Variants in EPC1 observed in about 807,000 individuals in gnomAD.
EPC1 encodes the protein enhancer of polycomb homolog 1.
Under a neutral mutation model 98.4 loss-of-function variants are expected in EPC1, and 12 were observed. That is an observed-to-expected ratio of 0.12 (90% CI 0.08 to 0.20). The LOEUF is 0.20. Among genes scored for constraint, EPC1 ranks in the 10% least tolerant of loss-of-function variants. The pLI is 1.00. For synonymous variants in EPC1, 357 were observed against 363.9 expected, an observed-to-expected ratio of 0.98 and a Z score of 0.21; for missense variants, 729 against 990.5, an observed-to-expected ratio of 0.74 and a Z score of 3.54.
intron 1 of EPC1, among the ~76,000 whole-genome samples, chr10:32,372,462 C>T (rs2133125311): frequency 6.6e-6 from 1 of 152,308 alleles, no homozygotes; most frequent in African/African-American, 2.4e-5. Flanking sequence ...GAATTTACCC[C>T]CTTCAATAAG....
chr10:32,320,648 G>A (rs1836854253), intron 1 of EPC1, among the ~76,000 whole-genome samples: 1 of 152,048 alleles, frequency 6.6e-6, no homozygotes, highest in Non-Finnish European at 1.5e-5. Flanking sequence ...CTGCTGGAGT[G>A]CAGTGGTGTG....
At chr10:32,296,800 G>A (rs891307160) in intron 2 of EPC1, among the ~76,000 whole-genome samples, 2 of 151,942 alleles carry the variant, frequency 1.3e-5, no homozygotes, top group Non-Finnish European at 2.9e-5. Flanking sequence ...CCAGCTACTC[G>A]GGAGGTTGAG....
At chr10:32,279,070 G>T (rs1836256885) in intron 10 of EPC1, among the ~76,000 whole-genome samples, 1 of 152,122 alleles carries the variant, frequency 6.6e-6, no homozygotes, top group South Asian at 2.1e-4. Context: ...AAATTCTGAG[G>T]CTGGGCGCAG....
chr10:32,361,597 A>G (rs553651606), intron 1 of EPC1, among the ~76,000 whole-genome samples: 4 of 152,310 alleles, frequency 2.6e-5, no homozygotes, highest in African/African-American at 9.6e-5. Flanking sequence ...AAATGCAATT[A>G]TAACCTTTTA....
chr10:32,296,595 T>A (rs1835172972), intron 2 of EPC1, among the ~76,000 whole-genome samples: 1 of 152,170 alleles, frequency 6.6e-6, no homozygotes, highest in Admixed American at 6.5e-5. Flanking sequence ...TTTTCTTTTA[T>A]TCAGTGCAAA....
At chr10:32,274,333 TG>T (rs1835977864) in intron 10 of EPC1, among the ~76,000 whole-genome samples, 1 of 152,206 alleles carries the variant, frequency 6.6e-6, no homozygotes, top group Non-Finnish European at 1.5e-5. Flanking sequence ...CCTAATTTGT[TG>T]TTTAACTTCA....
chr10:32,297,745 C>T (rs925200814), intron 2 of EPC1, among the ~76,000 whole-genome samples: 2 of 152,108 alleles, frequency 1.3e-5, no homozygotes, highest in Non-Finnish European at 2.9e-5. Flanking sequence ...GCCATGTAGA[C>T]ATAAAGTAAG....
At chr10:32,377,939 G>A (rs1592647123) in intron 1 of EPC1, among the ~76,000 whole-genome samples, 1 of 152,106 alleles carries the variant, frequency 6.6e-6, no homozygotes, top group African/African-American at 2.4e-5. Context: ...TAGACTACAA[G>A]TTGAGATCTG....
chr10:32,364,020 T>C (rs1364160860), intron 1 of EPC1, among the ~76,000 whole-genome samples: 1 of 133,902 alleles, frequency 7.5e-6, no homozygotes, highest in Non-Finnish European at 1.6e-5. Context: ...TTTTTTTTTT[T>C]TTTTTTTTTT....
intron 6 of EPC1, among the ~76,000 whole-genome samples, chr10:32,287,954 T>C (rs1018053206): frequency 5.9e-5 from 9 of 152,192 alleles, no homozygotes; most frequent in Non-Finnish European, 1.2e-4. Flanking sequence ...GAAACATGTA[T>C]TGCAGATGAT....
rs1319357810 is a variant in EPC1, at chr10:32,286,825, A to G, written c.1260T>C (p.Thr420=). ...TAGGACTAGTCCAAGGCCAGTTGCC[A>G]GTTTGGTCTAAGTGAGGCTTAAAAA... ...CQYYAPHLDQ[T]GNWPWTSPKD... Residue 420 remains threonine (T), a synonymous_variant, in exon 9 of 14, where the codon ACT becomes ACC. Transcript: ENST00000319778. The G allele has an allele frequency of 1.2e-6, 2 of 1,613,720 alleles. No individual in the cohort carries two copies. Among genetic ancestry groups the G allele is most frequent in the Non-Finnish European group, 1.7e-6 (2 of 1,179,906 alleles).
At chr10:32,293,342 G>A (rs942883855) in intron 3 of EPC1, 148 bp from the exon 4 acceptor site, 1 of 749,738 alleles carries the variant, frequency 1.3e-6, no homozygotes, top group Non-Finnish European at 2.1e-6. Flanking sequence ...GTCAGTCACT[G>A]AACTAGGGTG....
Position 32,368,368 on chromosome 10 carries a change from G to A in EPC1, c.3+10123C>T, listed in dbSNP as rs147668875. Among the ~76,000 whole-genome samples, 1,436 of 152,194 alleles carry A rather than the reference G, an allele frequency of 9.4e-3. 19 individuals are homozygous for A. The highest frequency in any genetic ancestry group is 0.033 in the African/African-American group (1,372 of 41,528). On this transcript the variant is annotated intron_variant, in intron 1 of 13. Coordinates refer to the EPC1 transcript ENST00000375110. ...CATAGCCTACTCTCTATCCGCACTG[G>A]CTTCTAGCTGTGTTTCCCACAGCCA...
At chr10:32,366,206 C>A (rs1454646645) in intron 1 of EPC1, among the ~76,000 whole-genome samples, 1 of 152,148 alleles carries the variant, frequency 6.6e-6, no homozygotes, top group East Asian at 1.9e-4. Context: ...TCATATGATG[C>A]TTTAATAAGT....
chr10:32,301,701 G>A (rs187181138), intron 2 of EPC1, among the ~76,000 whole-genome samples: 1 of 152,254 alleles, frequency 6.6e-6, no homozygotes, highest in African/African-American at 2.4e-5. Flanking sequence ...TTAAACAAAT[G>A]ATGCTGGAAC....
intron 1 of EPC1, among the ~76,000 whole-genome samples, chr10:32,345,837 T>G (rs958897078): frequency 2.0e-5 from 3 of 152,192 alleles, no homozygotes; most frequent in Admixed American, 2.0e-4. Context: ...CCTTCGAAAT[T>G]TAGATCTATA....
At chr10:32,273,925 G>GA (rs1267990019) in intron 10 of EPC1, 2 of 151,748 alleles carry the variant, frequency 1.3e-5, no homozygotes, top group Non-Finnish European at 2.9e-5. Context: ...AACCCACCTG[G>GA]AAAAAATCCA....
At chr10:32,369,630 G>A (rs1239985358) in intron 1 of EPC1, among the ~76,000 whole-genome samples, 1 of 150,350 alleles carries the variant, frequency 6.7e-6, no homozygotes, top group East Asian at 1.9e-4. Flanking sequence ...GAAAGATTTA[G>A]AATGTGCTGT....
intron 10 of EPC1, among the ~76,000 whole-genome samples, chr10:32,279,355 A>AG (rs1259925281): frequency 6.6e-6 from 1 of 151,780 alleles, no homozygotes; most frequent in Non-Finnish European, 1.5e-5. Flanking sequence ...CTTAAAAAAA[A>AG]AAAAAAAAGA....
Sources: gnomAD v4.1 joint callset for allele counts (sites outside exome capture counted in the v4.1 genomes callset) on GRCh38, gnomAD v4.1.1 for gene constraint, MANE v1.5 for transcripts, NCBI Gene and HGNC (gene_info 2026-07-23, HGNC 2026-07-21) for gene names.